Variants in INVS observed in about 807,000 individuals in gnomAD.
INVS encodes inversin.
A neutral mutation model predicts 108.8 loss-of-function variants in INVS; 86 were observed. The ratio of observed to expected loss-of-function variants is 0.79; its 90% CI spans 0.66 to 0.95. INVS has a LOEUF of 0.95. Among genes scored for constraint, INVS ranks in the 40% least tolerant of loss-of-function variants. The pLI is 0.00. For missense variants in INVS, 1,169 were observed against 1,297.4 expected, an observed-to-expected ratio of 0.90 and a Z score of 1.52; for synonymous variants, 455 against 473.5, an observed-to-expected ratio of 0.96 and a Z score of 0.51.
intron 13 of INVS, among the ~76,000 whole-genome samples, chr9:100,287,881 A>C (rs1833494016): frequency 6.6e-6 from 1 of 152,158 alleles, no homozygotes; most frequent in African/African-American, 2.4e-5. Flanking sequence ...TTATCTCATC[A>C]CACTTGAAGT....
intron 2 of INVS, among the ~76,000 whole-genome samples, chr9:100,118,290 C>A (rs537431023): frequency 6.6e-6 from 1 of 151,780 alleles, no homozygotes; most frequent in Non-Finnish European, 1.5e-5. Context: ...CTCACTGCAA[C>A]CTCCACCTCC....
intron 11 of INVS, 90 bp downstream of exon 11, chr9:100,265,018 C>T: frequency 1.2e-6 from 1 of 824,384 alleles, no homozygotes; most frequent in Non-Finnish European, 2.1e-6. Flanking sequence ...TCTTGGCTCA[C>T]TGCAACCTTC....
chr9:100,131,009 G>A (rs1016958595), intron 3 of INVS: 1 of 152,058 alleles, frequency 6.6e-6, no homozygotes, highest in African/African-American at 2.4e-5. Flanking sequence ...TCTAGTTTTT[G>A]TGTGTGTGTG....
chr9:100,221,904 T>C (rs925613160), intron 3 of INVS, among the ~76,000 whole-genome samples: 1 of 152,164 alleles, frequency 6.6e-6, no homozygotes, highest in African/African-American at 2.4e-5. Context: ...AATTTATAAA[T>C]TAAACTTTAC....
rs1829255631 is a variant in INVS, at chr9:100,163,344, G to A, written c.273+36795G>A. ...TAACTGAGAAGTGTAGTGATAAAAA[G>A]CAATCATCTAGTCTCTGAATTCAGA... On this transcript the variant is annotated intron_variant, in intron 3 of 16. Coordinates refer to ENST00000262457, the MANE Select transcript of INVS (RefSeq NM_014425.5). Among the ~76,000 whole-genome samples, 3 of 152,222 alleles carry A rather than the reference G, an allele frequency of 2.0e-5. No individual in the cohort carries two copies. The South Asian group carries it at 6.2e-4, about 32-fold the overall frequency.
intron 3 of INVS, among the ~76,000 whole-genome samples, chr9:100,203,341 C>T (rs150940582): frequency 4.6e-4 from 70 of 152,008 alleles, no homozygotes; most frequent in African/African-American, 1.5e-3. Context: ...ACTGTAGTCT[C>T]GGGTAACTTT....
At chr9:100,220,938 T>C (rs1004636224) in intron 3 of INVS, among the ~76,000 whole-genome samples, 3 of 149,746 alleles carry the variant, frequency 2.0e-5, no homozygotes, top group Non-Finnish European at 3.0e-5. Flanking sequence ...ATTGTGCTAC[T>C]GCACTCTAGC....
At chr9:100,261,183 A>T (rs895215121) in intron 10 of INVS, among the ~76,000 whole-genome samples, 1 of 152,164 alleles carries the variant, frequency 6.6e-6, no homozygotes, top group African/African-American at 2.4e-5. Context: ...ACAAGTATTT[A>T]TCAAGATTGT....
At chr9:100,160,051 A>C (rs1211764214) in intron 3 of INVS, among the ~76,000 whole-genome samples, 1 of 152,224 alleles carries the variant, frequency 6.6e-6, no homozygotes, top group South Asian at 2.1e-4. Flanking sequence ...GAGCAGCATC[A>C]GGCTTTGCTC....
At chr9:100,184,912 C>G (rs1830009246) in intron 3 of INVS, among the ~76,000 whole-genome samples, 1 of 152,138 alleles carries the variant, frequency 6.6e-6, no homozygotes, top group Non-Finnish European at 1.5e-5. Context: ...ACTCAAGTTA[C>G]AATTAATTTG....
chr9:100,159,911 G>C (rs142334898), intron 3 of INVS, among the ~76,000 whole-genome samples: 1 of 152,122 alleles, frequency 6.6e-6, no homozygotes, highest in African/African-American at 2.4e-5. Flanking sequence ...ACACTTGACC[G>C]TAATGAAAAT....
rs903950584 is a variant in INVS at position 100,301,847 on chromosome 9, A to T, written c.*1173A>T. ...ATCGTTTTTGTGATCACAAAAACACAAAGAAGGAGGTCTGCCTGGATGGAA... is the reference window on the plus strand; with the variant it reads ...ATCGTTTTTGTGATCACAAAAACACTAAGAAGGAGGTCTGCCTGGATGGAA... On this transcript the variant is annotated 3_prime_UTR_variant, in exon 17 of 17. Transcript: ENST00000262457. 6.6e-6 allele frequency among the ~76,000 whole-genome samples: 1 copy of T among 152,142 alleles called. No homozygotes were observed.
chr9:100,257,302 TC>T, intron 10 of INVS, among the ~76,000 whole-genome samples: 1 of 152,228 alleles, frequency 6.6e-6, no homozygotes, highest in Non-Finnish European at 1.5e-5. Context: ...CCTATGTGTG[TC>T]TCTGCACATG....
intron 3 of INVS, among the ~76,000 whole-genome samples, chr9:100,201,387 C>T (rs555536007): frequency 1.3e-5 from 2 of 152,270 alleles, no homozygotes; most frequent in East Asian, 3.9e-4. Context: ...TTTTAGCTTC[C>T]AAAGCAACTA....
chr9:100,191,501 C>A (rs919156821), intron 3 of INVS, among the ~76,000 whole-genome samples: 3 of 152,150 alleles, frequency 2.0e-5, no homozygotes, highest in Admixed American at 1.3e-4. Flanking sequence ...TTTTAATTCT[C>A]TAAATGTGTC....
chr9:100,292,888 TG>T lies in INVS; in HGVS notation c.2632del (p.Asp878IlefsTer12). 6.2e-7 allele frequency: 1 copy of T among 1,614,184 alleles called. No homozygotes were observed. ...AGGACTTTCAGGTATCTAAGGAGAC[TG>T]ATCCAGCACCTGGTCCCCTCTCTGG... Reference protein sequence around the residue: ...SEDFQVSKETDPAPGPLSGQS... With the variant: ...SEDFQVSKETXPAPGPLSGQS... On this transcript the variant is annotated frameshift_variant, in exon 14 of 17. Coordinates refer to ENST00000262457, the MANE Select transcript of INVS (RefSeq NM_014425.5). LOFTEE classifies it high-confidence loss of function.
rs185790956 is a variant in INVS, at chr9:100,301,338, G to A, written c.*664G>A. Among the ~76,000 whole-genome samples the A allele has an allele frequency of 1.7e-3, 261 of 152,260 alleles. 1 individual carries two copies. The highest frequency in any genetic ancestry group is 5.9e-3 in the African/African-American group (245 of 41,542). On this transcript the variant is annotated 3_prime_UTR_variant, in exon 17 of 17. Coordinates refer to ENST00000262457, the MANE Select transcript of INVS (RefSeq NM_014425.5). ...CTACGTTAGCCTCTCAAGGCCACAA[G>A]TTGCCGCCACGTCTTCACTGAATGG...
In INVS at chr9:100,302,058, A is replaced by G. The variant is rs1833990950; in HGVS notation, c.*1384A>G. 1.9e-6 allele frequency: 1 copy of G among 534,618 alleles called. No individual in the cohort carries two copies. The highest frequency in any genetic ancestry group is 3.2e-6 in the Non-Finnish European group (1 of 308,692). The allele number at this position is 534,618 out of a possible 1,614,324, so 33.1% of individuals were successfully genotyped here. On this transcript the variant is annotated 3_prime_UTR_variant, in exon 17 of 17. Transcript: ENST00000262457. ...CGCCCAAACATTATTTTCATATATC[A>G]GTGCAAAGAAAGAAGGTTCGTAAAC... is the stretch of plus-strand genomic sequence containing the variant.
chr9:100,300,801 A>T lies in INVS; in HGVS notation c.*127A>T, dbSNP rs141229764. On this transcript the variant is annotated 3_prime_UTR_variant, in exon 17 of 17. Coordinates refer to ENST00000262457, the MANE Select transcript of INVS (RefSeq NM_014425.5). The stretch of plus-strand genomic sequence containing the variant: ...CCGTACCTGAAGGCTGATTCACCTA[A>T]AAATGTGTTAACTGAAAGAAAATGT... The T allele has an allele frequency of 1.1e-5, 8 of 702,850 alleles. No homozygotes were observed. Among genetic ancestry groups the T allele is most frequent in the Middle Eastern group, 4.6e-4 (2 of 4,304 alleles). 43.5% of individuals were successfully genotyped at this position (702,850 alleles called of 1,614,324 possible).
Sources: allele counts gnomAD v4.1 joint callset (sites outside exome capture counted in the v4.1 genomes callset), GRCh38; gene constraint gnomAD v4.1.1; transcripts MANE v1.5; gene names NCBI Gene and HGNC (gene_info 2026-07-23, HGNC 2026-07-21).